The following GPC5 variants were observed in gnomAD, a reference collection of about 807,000 sequenced individuals.
GPC5 encodes the protein glypican 5.
A neutral mutation model predicts 53.9 loss-of-function variants in GPC5; 47 were observed. The observed-to-expected ratio is 0.87, with a 90% CI of 0.69 to 1.11. The LOEUF (loss-of-function observed/expected upper bound fraction) is 1.11. Ranked by LOEUF, GPC5 falls within the 50% of genes most tolerant of loss-of-function variation. The pLI is 0.00. For missense variants in GPC5, 748 were observed against 713.1 expected, an observed-to-expected ratio of 1.05 and a Z score of -0.56; for synonymous variants, 286 against 263.3, an observed-to-expected ratio of 1.09 and a Z score of -0.84.
chr13:91,537,083 T>A (rs1886625454), intron 2 of GPC5, among the ~76,000 whole-genome samples: 1 of 152,144 alleles, frequency 6.6e-6, no homozygotes, highest in African/African-American at 2.4e-5. Flanking sequence ...TATAAATGCC[T>A]ACATTATGAA....
chr13:92,801,198 T>TA (rs945116062), intron 7 of GPC5, among the ~76,000 whole-genome samples: 4 of 151,682 alleles, frequency 2.6e-5, no homozygotes, highest in African/African-American at 9.7e-5. Context: ...TGTTTATATT[T>TA]ATACAGTCTA....
intron 7 of GPC5, among the ~76,000 whole-genome samples, chr13:92,498,043 C>A (rs920197906): frequency 1.3e-5 from 2 of 152,016 alleles, no homozygotes; most frequent in African/African-American, 4.8e-5. Context: ...CAAACAGAGA[C>A]AATTTGACTT....
At chr13:92,115,583 A>G (rs2041594294) in intron 6 of GPC5, among the ~76,000 whole-genome samples, 1 of 152,124 alleles carries the variant, frequency 6.6e-6, no homozygotes, top group Admixed American at 6.5e-5. Context: ...GAAAACCATC[A>G]ACTTCCTCTC....
intron 1 of GPC5, among the ~76,000 whole-genome samples, chr13:91,412,031 T>C (rs76112358): frequency 0.059 from 8,945 of 152,288 alleles, 343 homozygotes; most frequent in Non-Finnish European, 0.084. Context: ...CCTTTCCTCT[T>C]ACCCCTTTTG....
At chr13:91,618,036 T>G (rs1164958462) in intron 2 of GPC5, among the ~76,000 whole-genome samples, 1 of 152,116 alleles carries the variant, frequency 6.6e-6, no homozygotes, top group Non-Finnish European at 1.5e-5. Context: ...TCTTAGCTTG[T>G]GGGTTGTACA....
intron 2 of GPC5, among the ~76,000 whole-genome samples, chr13:91,625,060 C>T (rs1306338912): frequency 1.3e-5 from 2 of 151,770 alleles, no homozygotes; most frequent in Non-Finnish European, 2.9e-5. Flanking sequence ...AAAAGTAAAA[C>T]TATTTTTCTT....
chr13:91,594,381 G>A (rs2139183364), intron 2 of GPC5, among the ~76,000 whole-genome samples: 1 of 152,202 alleles, frequency 6.6e-6, no homozygotes, highest in South Asian at 2.1e-4. Flanking sequence ...TTGATCTTGT[G>A]TATTTCTGTT....
chr13:92,382,357 C>A (rs1447876527), intron 7 of GPC5, among the ~76,000 whole-genome samples: 1 of 151,950 alleles, frequency 6.6e-6, no homozygotes, highest in Non-Finnish European at 1.5e-5. Context: ...CCCCCAATAA[C>A]TTATGGAAAA....
intron 6 of GPC5, among the ~76,000 whole-genome samples, chr13:92,051,405 T>G (rs571807104): frequency 3.3e-4 from 50 of 151,774 alleles, no homozygotes; most frequent in African/African-American, 1.2e-3. Context: ...TTTCACCATC[T>G]TGGCCAGGAT....
chr13:92,125,061 C>G (rs548278337), intron 6 of GPC5, among the ~76,000 whole-genome samples: 581 of 152,298 alleles, frequency 3.8e-3, no homozygotes, highest in Non-Finnish European at 5.7e-3. Context: ...GGCATTCCCT[C>G]TTGCCCTCTC....
At chr13:92,338,365 T>C (rs543475197) in intron 7 of GPC5, among the ~76,000 whole-genome samples, 1 of 152,036 alleles carries the variant, frequency 6.6e-6, no homozygotes, top group Non-Finnish European at 1.5e-5. Flanking sequence ...GAAGACAGTT[T>C]CTTACAGTTT....
intron 6 of GPC5, among the ~76,000 whole-genome samples, chr13:92,047,940 G>A (rs936964957): frequency 4.0e-5 from 6 of 151,842 alleles, no homozygotes; most frequent in Non-Finnish European, 5.9e-5. Flanking sequence ...GGAGTGAGCC[G>A]AGATCATGCC....
intron 7 of GPC5, among the ~76,000 whole-genome samples, chr13:92,419,891 C>T (rs542173541): frequency 8.5e-5 from 13 of 152,234 alleles, no homozygotes; most frequent in East Asian, 1.9e-4. Flanking sequence ...AAAAGCATTT[C>T]GCACCTGAGG....
At chr13:91,747,056 C>T (rs2037065775) in intron 4 of GPC5, among the ~76,000 whole-genome samples, 1 of 152,122 alleles carries the variant, frequency 6.6e-6, no homozygotes, top group Non-Finnish European at 1.5e-5. Flanking sequence ...TTGGTTACTT[C>T]AGGTGGGAGG....
At chr13:92,650,552 G>C (rs1885923646) in intron 7 of GPC5, among the ~76,000 whole-genome samples, 1 of 152,048 alleles carries the variant, frequency 6.6e-6, no homozygotes, top group African/African-American at 2.4e-5. Context: ...TTCTATGATG[G>C]AAACACAGTG....
intron 7 of GPC5, among the ~76,000 whole-genome samples, chr13:92,741,286 G>A (rs753947646): frequency 1.3e-5 from 2 of 151,546 alleles, no homozygotes; most frequent in Admixed American, 6.6e-5. Context: ...TCATGGGAGC[G>A]GAACTGGTTG....
At chr13:92,585,956 T>A (rs1490118671) in intron 7 of GPC5, among the ~76,000 whole-genome samples, 1 of 152,250 alleles carries the variant, frequency 6.6e-6, no homozygotes, top group Non-Finnish European at 1.5e-5. Context: ...TTAAACCTCT[T>A]TCTTTTGTAA....
intron 7 of GPC5, among the ~76,000 whole-genome samples, chr13:92,709,269 C>T (rs1053851092): frequency 3.3e-5 from 5 of 149,644 alleles, no homozygotes; most frequent in South Asian, 2.1e-4. Context: ...ATGTTGACCA[C>T]GCTGGTCTTG....
intron 7 of GPC5, among the ~76,000 whole-genome samples, chr13:92,290,634 C>T (rs1208357405): frequency 2.0e-5 from 3 of 152,230 alleles, no homozygotes; most frequent in Non-Finnish European, 2.9e-5. Flanking sequence ...TCTCCAATCT[C>T]ATCCAGGTAG....
Sources: gnomAD v4.1 joint callset for allele counts (sites outside exome capture counted in the v4.1 genomes callset) on GRCh38, gnomAD v4.1.1 for gene constraint, MANE v1.5 for transcripts, NCBI Gene and HGNC (gene_info 2026-07-23, HGNC 2026-07-21) for gene names.